Variants in SLC25A30 observed in about 807,000 individuals in gnomAD.
SLC25A30 encodes the protein kidney mitochondrial carrier protein 1.
Under a neutral mutation model 42.7 loss-of-function variants are expected in SLC25A30, and 29 were observed. The ratio of observed to expected loss-of-function variants is 0.68; its 90% CI spans 0.51 to 0.93. The LOEUF is 0.93. SLC25A30 is among the 40% of genes least tolerant of loss of function. SLC25A30 has a pLI of 0.00. For missense variants in SLC25A30, 300 were observed against 359.7 expected, an observed-to-expected ratio of 0.83 and a Z score of 1.34; for synonymous variants, 124 against 131.0, an observed-to-expected ratio of 0.95 and a Z score of 0.37.
At chr13:45,431,996 G>A in the SLC25A30 span, among the ~76,000 whole-genome samples, 1 of 152,006 alleles carries the variant, frequency 6.6e-6, no homozygotes, top group Non-Finnish European at 1.5e-5. Context: ...AGGGCCGGGT[G>A]CAGTGGCTCA....
Position 45,404,345 on chromosome 13 carries a change from A to C in SLC25A30, c.375T>G (p.Asn125Lys), listed in dbSNP as rs1042898222. 4.3e-6 allele frequency: 7 copies of C among 1,612,674 alleles called. No homozygotes were observed. The African/African-American group carries it at 9.3e-5, about 22-fold the overall frequency. Residue 125 changes from asparagine (N) to lysine (K), a missense_variant, in exon 5 of 10, where the codon AAT becomes AAG. Transcript: ENST00000519676. ...LSGVISSTIANPTDVLKIRMQ... is the reference protein window; with the variant it reads ...LSGVISSTIAKPTDVLKIRMQ... ...AGCTTACTTTCAAAACATCAGTTGG[A>C]TTAGCAATGGTTGAAGATATGACTC...
At chr13:45,396,324 GA>G in intron 9 of SLC25A30, 1 of 706,856 alleles carries the variant, frequency 1.4e-6, no homozygotes, top group Non-Finnish European at 1.7e-6. Context: ...GTAAGCTTTT[GA>G]GAGAGAGAGA....
intron 8 of SLC25A30, chr13:45,398,152 T>C: frequency 1.8e-6 from 1 of 562,536 alleles, no homozygotes; most frequent in Non-Finnish European, 2.3e-6. Context: ...TCACGTTCTT[T>C]GCAGCAACAT....
intron 1 of SLC25A30, among the ~76,000 whole-genome samples, chr13:45,414,618 A>G (rs1883339248): frequency 7.1e-6 from 1 of 140,012 alleles, no homozygotes; most frequent in South Asian, 2.3e-4. Context: ...ACTTTGTCTC[A>G]AACACACACA....
At chr13:45,402,147 C>A (rs1430055434) in intron 6 of SLC25A30, 128 bp downstream of exon 6, 3 of 581,186 alleles carry the variant, frequency 5.2e-6, no homozygotes, top group African/African-American at 1.9e-5. Flanking sequence ...TTTTCATGGG[C>A]AGAAGATGCC....
chr13:45,430,437 G>C, the SLC25A30 span, among the ~76,000 whole-genome samples: 4 of 152,142 alleles, frequency 2.6e-5, no homozygotes, highest in Admixed American at 1.3e-4. Flanking sequence ...CTGGGCATCG[G>C]GATTGAGTAA....
the SLC25A30 span, among the ~76,000 whole-genome samples, chr13:45,424,875 A>AAT: frequency 6.4e-4 from 30 of 46,958 alleles, 1 homozygote; most frequent in East Asian, 9.2e-3. Flanking sequence ...AATATATATA[A>AAT]ATATATAAAT....
upstream of SLC25A30, among the ~76,000 whole-genome samples, chr13:45,418,948 A>ACAAAAAAAC (rs1566218094): frequency 1.9e-5 from 1 of 53,902 alleles, no homozygotes; most frequent in Non-Finnish European, 3.4e-5. Flanking sequence ...CTCAAAAAAA[A>ACAAAAAAAC]AAAAAAAAAA....
intron 3 of SLC25A30, among the ~76,000 whole-genome samples, chr13:45,406,761 A>G (rs1566208238): frequency 6.6e-6 from 1 of 152,310 alleles, no homozygotes; most frequent in East Asian, 1.9e-4. Context: ...AGCTCTTTGC[A>G]GTGTGTGCCA....
At chr13:45,422,278 T>C (rs1566219818), upstream of SLC25A30, among the ~76,000 whole-genome samples, 1 of 152,162 alleles carries the variant, frequency 6.6e-6, no homozygotes, top group Non-Finnish European at 1.5e-5. Flanking sequence ...GGATGGTTGG[T>C]GCTTGCAGAA....
chr13:45,402,325 C>T lies in SLC25A30; in HGVS notation c.439G>A (p.Gly147Ser), dbSNP rs1387817094. ...QSNTIQGGMIGNFMNIYQQEG... is the reference protein window; with the variant it reads ...QSNTIQGGMISNFMNIYQQEG... ...TGCTGGTAAATGTTCATGAAGTTGCCTATCATTCCTCCTTGAATGGTGTTG... is the reference window on the plus strand; with the variant it reads ...TGCTGGTAAATGTTCATGAAGTTGCTTATCATTCCTCCTTGAATGGTGTTG... Residue 147 changes from glycine (G) to serine (S), a missense_variant, in exon 6 of 10, where the codon GGC (glycine) becomes AGC (serine). Physicochemically the swap from Gly to Ser is moderately conservative, Grantham distance 56. Coordinates refer to ENST00000519676, the MANE Select transcript of SLC25A30 (RefSeq NM_001010875.4). 2 of 1,613,992 alleles carry T rather than the reference C, an allele frequency of 1.2e-6. No individual in the cohort carries two copies. Among genetic ancestry groups the T allele is most frequent in the African/African-American group, 2.7e-5 (2 of 74,906 alleles).
intron 4 of SLC25A30, among the ~76,000 whole-genome samples, chr13:45,404,928 T>C (rs1392054807): frequency 2.0e-5 from 3 of 151,990 alleles, no homozygotes; most frequent in African/African-American, 7.2e-5. Flanking sequence ...TGTGATTTTA[T>C]TTTTTTTCTC....
the SLC25A30 span, among the ~76,000 whole-genome samples, chr13:45,425,661 A>AAT: frequency 1.3e-5 from 1 of 77,714 alleles, no homozygotes; most frequent in Non-Finnish European, 3.2e-5. Context: ...AGTATATATA[A>AAT]ATATATATAT....
intron 5 of SLC25A30, chr13:45,402,648 G>A: frequency 7.9e-6 from 4 of 503,540 alleles, no homozygotes; most frequent in Non-Finnish European, 1.0e-5. Flanking sequence ...ACTGATTTTT[G>A]TGAAAAAAGT....
At chr13:45,417,946 T>C (rs1409160843) in intron 1 of SLC25A30, among the ~76,000 whole-genome samples, 1 of 152,154 alleles carries the variant, frequency 6.6e-6, no homozygotes, top group Non-Finnish European at 1.5e-5. Context: ...CAAGCAGGGT[T>C]GCAAGCCCGG....
intron 1 of SLC25A30, among the ~76,000 whole-genome samples, chr13:45,414,214 C>T (rs556921944): frequency 8.5e-4 from 129 of 152,256 alleles, no homozygotes; most frequent in Middle Eastern, 3.4e-3. Flanking sequence ...AGGACTAGAT[C>T]CCTAAGCAGT....
rs1470376612 is a variant in SLC25A30, at chr13:45,393,627, A to ACTT, written c.*2344_*2346dup. The ACTT allele has an allele frequency of 1.0e-6, 1 of 985,448 alleles. No individual in the cohort carries two copies. Among genetic ancestry groups the ACTT allele is most frequent in the Non-Finnish European group, 1.2e-6 (1 of 829,938 alleles). 61.0% of individuals were successfully genotyped at this position (985,448 alleles called of 1,614,324 possible). The stretch of plus-strand genomic sequence containing the variant: ...TAAGAAAACCCAAAGGTGGGGAGGT[A>ACTT]CTTATAGCCAGAACCCTGACAACGA... On this transcript the variant is annotated 3_prime_UTR_variant, in exon 10 of 10. Transcript: ENST00000519676.
chr13:45,403,494 T>G (rs8002502), intron 5 of SLC25A30, among the ~76,000 whole-genome samples: 85,088 of 152,098 alleles, frequency 0.56, 24,690 homozygotes, highest in African/African-American at 0.69. Context: ...AAGTCATTCC[T>G]AATTTTTATT....
rs886092362 is a variant in SLC25A30 at position 45,393,993 on chromosome 13, T to G, written c.*1981A>C. The G allele has an allele frequency of 1.0e-6, 1 of 984,642 alleles. No homozygotes were observed. Among genetic ancestry groups the G allele is most frequent in the Non-Finnish European group, 1.2e-6 (1 of 829,338 alleles). The allele number at this position is 984,642 out of a possible 1,614,324, so 61.0% of individuals were successfully genotyped here. A position where few individuals can be genotyped will look rare whatever the true frequency, so the allele number is the denominator to read the frequency against. ...TTGAAAAAGTAAAATTTTTCTACAT[T>G]AAAAAAAGAGCATTTCAAGAAAAGC... On this transcript the variant is annotated 3_prime_UTR_variant, in exon 10 of 10. Transcript: ENST00000519676.
Sources: allele counts gnomAD v4.1 joint callset (sites outside exome capture counted in the v4.1 genomes callset), GRCh38; gene constraint gnomAD v4.1.1; transcripts MANE v1.5; gene names NCBI Gene and HGNC (gene_info 2026-07-23, HGNC 2026-07-21).